Variants in DLGAP2 observed in about 807,000 individuals in gnomAD.
DLGAP2 encodes disks large-associated protein 2.
DLGAP2 carries 26 observed loss-of-function variants against 100.3 expected under a neutral mutation model. The observed-to-expected ratio is 0.26, with a 90% CI of 0.19 to 0.36. The LOEUF (loss-of-function observed/expected upper bound fraction) is 0.36, where lower values mean the gene tolerates loss of function less well. Ranked by LOEUF, DLGAP2 falls within the 10% of genes least tolerant of loss-of-function variation. The pLI is 1.00. For synonymous variants in DLGAP2, 886 were observed against 630.1 expected (o/e 1.41, Z -6.08); for missense variants, 1,858 against 1,453.2 (o/e 1.28, Z -4.53).
intron 2 of DLGAP2, among the ~76,000 whole-genome samples, chr8:1,060,816 G>A (rs73670420): frequency 0.1 from 15,865 of 152,198 alleles, 2,783 homozygotes; most frequent in African/African-American, 0.36. Context: ...GTGGGCCTGG[G>A]AGGAGGCAGG....
chr8:1,425,593 G>A (rs149722225), intron 3 of DLGAP2, among the ~76,000 whole-genome samples: 3 of 152,334 alleles, frequency 2.0e-5, no homozygotes, highest in African/African-American at 7.2e-5. Context: ...GACCTCTCCA[G>A]ATCCCGGACA....
At chr8:882,908 T>A (rs1390055359) in intron 1 of DLGAP2, among the ~76,000 whole-genome samples, 1 of 152,250 alleles carries the variant, frequency 6.6e-6, no homozygotes, top group Non-Finnish European at 1.5e-5. Flanking sequence ...TTGGGTCGGA[T>A]CTCTGCATCG....
intron 4 of DLGAP2, among the ~76,000 whole-genome samples, chr8:1,518,319 T>C (rs1340337800): frequency 1.3e-5 from 2 of 152,204 alleles, no homozygotes; most frequent in African/African-American, 4.8e-5. Context: ...ACATTAGCTC[T>C]TATGGGTTTT....
At chr8:1,494,590 G>C (rs986782551) in intron 3 of DLGAP2, among the ~76,000 whole-genome samples, 1 of 152,136 alleles carries the variant, frequency 6.6e-6, no homozygotes, top group Non-Finnish European at 1.5e-5. Context: ...TTAGCCGAGC[G>C]TGGTGTCAGG....
intron 2 of DLGAP2, among the ~76,000 whole-genome samples, chr8:1,256,236 C>T (rs910813870): frequency 8.3e-6 from 1 of 120,396 alleles, no homozygotes; most frequent in African/African-American, 3.1e-5. Context: ...CCTCTCCTGC[C>T]CGGGTGCTGT....
chr8:1,096,764 G>A (rs1159633691), intron 2 of DLGAP2, among the ~76,000 whole-genome samples: 1 of 137,498 alleles, frequency 7.3e-6, no homozygotes, highest in Non-Finnish European at 1.5e-5. Flanking sequence ...GCCCGGGGCA[G>A]GCCTTCACCC....
intron 6 of DLGAP2, among the ~76,000 whole-genome samples, chr8:1,584,241 C>T (rs1413445440): frequency 1.3e-5 from 2 of 152,100 alleles, no homozygotes; most frequent in African/African-American, 2.4e-5. Context: ...CTGCTATTAG[C>T]GACGCCGATA....
chr8:1,413,356 A>C (rs1796788988), intron 3 of DLGAP2, among the ~76,000 whole-genome samples: 1 of 152,254 alleles, frequency 6.6e-6, no homozygotes, highest in Non-Finnish European at 1.5e-5. Flanking sequence ...TTACTATTGT[A>C]ATATAAATGA....
chr8:1,139,821 C>G (rs563329385), intron 2 of DLGAP2, among the ~76,000 whole-genome samples: 22 of 152,092 alleles, frequency 1.4e-4, no homozygotes, highest in Non-Finnish European at 3.1e-4. Context: ...AGTGTATTAA[C>G]TTTTTTAATT....
chr8:1,057,222 G>C (rs1455537001), intron 2 of DLGAP2, among the ~76,000 whole-genome samples: 1 of 152,230 alleles, frequency 6.6e-6, no homozygotes, highest in African/African-American at 2.4e-5. Flanking sequence ...GTAGAAGTTA[G>C]CTGCCTGTAT....
chr8:1,009,350 G>A (rs566713504), intron 2 of DLGAP2, among the ~76,000 whole-genome samples: 1 of 152,294 alleles, frequency 6.6e-6, no homozygotes, highest in African/African-American at 2.4e-5. Context: ...CGGATAACGG[G>A]CTTTTTCTAT....
intron 1 of DLGAP2, among the ~76,000 whole-genome samples, chr8:761,694 C>T (rs1821088034): frequency 6.6e-6 from 1 of 152,170 alleles, no homozygotes; most frequent in African/African-American, 2.4e-5. Context: ...GTCAGGCACT[C>T]CTGGAACCCT....
Position 1,053,612 on chromosome 8 carries a change from G to A in DLGAP2, c.73+145646G>A, listed in dbSNP as rs542347508. Among the ~76,000 whole-genome samples the A allele has an allele frequency of 9.2e-5, 14 of 152,208 alleles. No individual in the cohort carries two copies. The South Asian group carries it at 2.7e-3, about 29-fold the overall frequency. ...CACCAAGCAGAGGCCCGATAACTGCGAGGAATTCCGTGGATGTGTACCGTG... is the reference window on the plus strand; with the variant it reads ...CACCAAGCAGAGGCCCGATAACTGCAAGGAATTCCGTGGATGTGTACCGTG... On this transcript the variant is annotated intron_variant, in intron 2 of 14. Coordinates refer to ENST00000637795, the MANE Select transcript of DLGAP2 (RefSeq NM_001346810.2).
At position 1,361,401 on chromosome 8, in the gene DLGAP2, AAAAC is replaced by A. The variant is rs1407643551; in HGVS notation, c.106+102524_106+102527del. Among the ~76,000 whole-genome samples the A allele has an allele frequency of 2.0e-5, 3 of 152,352 alleles. No individual in the cohort carries two copies. The East Asian group carries it at 5.8e-4, about 29-fold the overall frequency. ...TCTTTCTTAGTGCTTTATACAAATA[AAAAC>A]AAACAGAAATCTATGTGTTGCCTTT... On this transcript the variant is annotated intron_variant, in intron 3 of 14. Coordinates refer to ENST00000637795, the MANE Select transcript of DLGAP2 (RefSeq NM_001346810.2).
intron 3 of DLGAP2, among the ~76,000 whole-genome samples, chr8:1,357,116 T>C (rs998030563): frequency 6.6e-6 from 1 of 151,878 alleles, no homozygotes; most frequent in African/African-American, 2.4e-5. Flanking sequence ...AAAACTAATA[T>C]ACAGTGTCTA....
chr8:855,707 C>G lies in DLGAP2; in HGVS notation c.19-52205C>G, dbSNP rs200757061. ...TACTGATTTTTGAGGCCCTACAAAA[C>G]AGGTTGAAGCTTTACCCTAGCTATG... is the stretch of plus-strand genomic sequence containing the variant. On this transcript the variant is annotated intron_variant, in intron 1 of 14. Transcript: ENST00000637795. Among the ~76,000 whole-genome samples the G allele has an allele frequency of 1.7e-4, 26 of 152,226 alleles. No homozygotes were observed. In the East Asian group the frequency reaches 4.2e-3, roughly 25 times the overall value.
intron 2 of DLGAP2, among the ~76,000 whole-genome samples, chr8:1,000,580 G>C (rs1800926166): frequency 6.6e-6 from 1 of 152,256 alleles, no homozygotes; most frequent in South Asian, 2.1e-4. Context: ...TCTAGATTTG[G>C]TTTTTGCATG....
rs539489268 is a variant in DLGAP2 at position 757,684 on chromosome 8, G to A, written c.18+19859G>A. 3.9e-5 allele frequency among the ~76,000 whole-genome samples: 6 copies of A among 152,334 alleles called. No individual in the cohort carries two copies. The East Asian group carries it at 1.2e-3, about 29-fold the overall frequency. ...TACGGGACCATATCTGAGATCAGAT[G>A]TCTTTGAATTAAAGATTGTGTGTCT... is the stretch of plus-strand genomic sequence containing the variant. On this transcript the variant is annotated intron_variant, in intron 1 of 14. Coordinates refer to ENST00000637795, the MANE Select transcript of DLGAP2 (RefSeq NM_001346810.2).
At chr8:1,120,408 G>A (rs997635249) in intron 2 of DLGAP2, among the ~76,000 whole-genome samples, 5 of 152,190 alleles carry the variant, frequency 3.3e-5, no homozygotes, top group Admixed American at 2.0e-4. Context: ...TACCATGACA[G>A]CTATGCTGGT....
Sources: allele counts gnomAD v4.1 joint callset (sites outside exome capture counted in the v4.1 genomes callset), GRCh38; gene constraint gnomAD v4.1.1; transcripts MANE v1.5; gene names NCBI Gene and HGNC (gene_info 2026-07-23, HGNC 2026-07-21).